The following LMBR1 variants were observed in gnomAD, a reference collection of about 807,000 sequenced individuals.
The protein encoded by LMBR1 is limb development membrane protein 1, also known as limb region 1 protein homolog.
A neutral mutation model predicts 73.9 loss-of-function variants in LMBR1; 52 were observed. The observed-to-expected ratio is 0.70, with a 90% confidence interval of 0.56 to 0.89. The LOEUF is 0.89. Among genes scored for constraint, LMBR1 ranks in the 40% least tolerant of loss-of-function variants. The pLI is 0.00. For missense variants in LMBR1, 539 were observed against 579.8 expected (o/e 0.93, Z 0.72); for synonymous variants, 215 against 209.4 (o/e 1.03, Z -0.23).
intron 15 of LMBR1, among the ~76,000 whole-genome samples, chr7:156,700,056 G>C (rs1563162089): frequency 6.6e-6 from 1 of 152,190 alleles, no homozygotes; most frequent in East Asian, 1.9e-4. Flanking sequence ...TATACTCAAA[G>C]GATTATAAAT....
intron 3 of LMBR1, among the ~76,000 whole-genome samples, chr7:156,829,321 T>G (rs1404330472): frequency 6.6e-6 from 1 of 152,204 alleles, no homozygotes; most frequent in Non-Finnish European, 1.5e-5. Context: ...AATATCATGC[T>G]GAAATGTGAT....
chr7:156,831,407 T>C (rs1836671146), intron 3 of LMBR1, among the ~76,000 whole-genome samples: 1 of 151,692 alleles, frequency 6.6e-6, no homozygotes, highest in African/African-American at 2.4e-5. Flanking sequence ...AAGTTAATCA[T>C]GGGTCCAGAA....
intron 16 of LMBR1, among the ~76,000 whole-genome samples, chr7:156,686,955 A>T (rs371548021): frequency 6.6e-6 from 1 of 152,222 alleles, no homozygotes; most frequent in South Asian, 2.1e-4. Flanking sequence ...AGCTGAAATG[A>T]GCTGTGACTT....
intron 15 of LMBR1, among the ~76,000 whole-genome samples, chr7:156,716,273 A>G (rs1156679802): frequency 6.6e-6 from 1 of 152,206 alleles, no homozygotes; most frequent in African/African-American, 2.4e-5. Flanking sequence ...GAATGGGAGA[A>G]GACTGTGGGA....
chr7:156,801,492 C>T (rs933836180), intron 4 of LMBR1, among the ~76,000 whole-genome samples: 1 of 152,292 alleles, frequency 6.6e-6, no homozygotes, highest in East Asian at 1.9e-4. Flanking sequence ...GGAACCAACC[C>T]TGCAGTATCT....
chr7:156,756,331 T>C (rs1327049120), intron 9 of LMBR1, 62 bp downstream of exon 9: 2 of 815,284 alleles, frequency 2.5e-6, no homozygotes, highest in East Asian at 2.5e-5. Flanking sequence ...TCTTCAATTA[T>C]CTATCTTTTT....
At chr7:156,820,636 A>G (rs1185102654) in intron 4 of LMBR1, among the ~76,000 whole-genome samples, 3 of 152,304 alleles carry the variant, frequency 2.0e-5, no homozygotes, top group Non-Finnish European at 1.5e-5. Context: ...GGTGAAGGAT[A>G]AATTGTTGAA....
chr7:156,769,678 G>A (rs930366921), intron 5 of LMBR1, among the ~76,000 whole-genome samples: 4 of 152,134 alleles, frequency 2.6e-5, no homozygotes, highest in Admixed American at 6.6e-5. Flanking sequence ...TTATTACTCC[G>A]GTACAGCAAG....
At chr7:156,781,585 G>C (rs1287585470) in intron 5 of LMBR1, among the ~76,000 whole-genome samples, 1 of 152,032 alleles carries the variant, frequency 6.6e-6, no homozygotes, top group African/African-American at 2.4e-5. Context: ...CCTCTGTTTA[G>C]CTAATGTGAG....
At chr7:156,716,332 G>A (rs758625411) in intron 15 of LMBR1, among the ~76,000 whole-genome samples, 35 of 152,168 alleles carry the variant, frequency 2.3e-4, no homozygotes, top group Non-Finnish European at 1.8e-4. Context: ...TGCAAATATC[G>A]AATCAATTTT....
At position 156,669,578 on chromosome 7, in the gene LMBR1, G is replaced by C. The variant is rs1409673905; in HGVS notation, n.867-291C>G. Among the ~76,000 whole-genome samples, 1 of 152,180 alleles carries C rather than the reference G, an allele frequency of 6.6e-6. No homozygotes were observed. The highest frequency in any genetic ancestry group is 1.5e-5 in the Non-Finnish European group (1 of 68,026). On this transcript the variant is annotated intron_variant and non_coding_transcript_variant, in intron 4 of 4. Coordinates refer to the LMBR1 transcript ENST00000430825. This position sits in a 1 kb window ranked among gnomAD's most constrained non-coding sequence, Gnocchi z 4.2. ...CCTTCCAGGACCCAGACCCCTGTGA[G>C]GCCCTGAGCTGGGCGCTGAGCAGAT...
At chr7:156,870,294 G>A (rs1228300393) in intron 1 of LMBR1, among the ~76,000 whole-genome samples, 1 of 152,168 alleles carries the variant, frequency 6.6e-6, no homozygotes, top group Non-Finnish European at 1.5e-5. Context: ...ACTTCTCCAG[G>A]AGAGAACACA....
intron 3 of LMBR1, among the ~76,000 whole-genome samples, chr7:156,832,775 T>C (rs926739926): frequency 2.0e-5 from 3 of 152,322 alleles, no homozygotes; most frequent in African/African-American, 7.2e-5. Context: ...ATACTAATTA[T>C]GAAGAAAGAT....
At chr7:156,732,279 C>T (rs1042657136) in intron 10 of LMBR1, among the ~76,000 whole-genome samples, 3 of 152,060 alleles carry the variant, frequency 2.0e-5, no homozygotes, top group Non-Finnish European at 2.9e-5. Context: ...GGAAACAAAC[C>T]ACACAAGCCC....
intron 9 of LMBR1, among the ~76,000 whole-genome samples, chr7:156,734,837 C>T (rs1299598204): frequency 1.3e-5 from 2 of 152,176 alleles, no homozygotes; most frequent in Non-Finnish European, 2.9e-5. Context: ...TTGGCTGATG[C>T]TTCCATACCT....
chr7:156,726,474 CA>C (rs1046900275), intron 12 of LMBR1, among the ~76,000 whole-genome samples: 1 of 150,852 alleles, frequency 6.6e-6, no homozygotes, highest in Non-Finnish European at 1.5e-5. Context: ...AAAAAAAACA[CA>C]AAAAAGTTAC....
chr7:156,849,954 T>C (rs77096426), intron 1 of LMBR1, among the ~76,000 whole-genome samples: 2,375 of 152,278 alleles, frequency 0.016, 59 homozygotes, highest in African/African-American at 0.053. Flanking sequence ...AAAAATCTCA[T>C]TACCTTCACC....
At chr7:156,831,132 G>A (rs1168850427) in intron 3 of LMBR1, among the ~76,000 whole-genome samples, 1 of 151,948 alleles carries the variant, frequency 6.6e-6, no homozygotes, top group Non-Finnish European at 1.5e-5. Context: ...AAAACACAAA[G>A]CAAAACAAAA....
At chr7:156,836,442 T>C (rs980670350) in intron 2 of LMBR1, among the ~76,000 whole-genome samples, 1 of 152,212 alleles carries the variant, frequency 6.6e-6, no homozygotes, top group Non-Finnish European at 1.5e-5. Flanking sequence ...TCTAAATATC[T>C]ACTATATGCT....
Sources: gnomAD v4.1 joint callset for allele counts (sites outside exome capture counted in the v4.1 genomes callset) on GRCh38, gnomAD v4.1.1 for gene constraint, Gnocchi (gnomAD v3.1) non-coding constraint, MANE v1.5 for transcripts, NCBI Gene and HGNC (gene_info 2026-07-23, HGNC 2026-07-21) for gene names.